Variants in ITGB6 observed in about 807,000 individuals in gnomAD.
ITGB6 encodes integrin subunit beta 6.
Under a neutral mutation model 84.5 loss-of-function variants are expected in ITGB6, and 80 were observed. The ratio of observed to expected loss-of-function variants is 0.95; its 90% CI spans 0.79 to 1.14. The LOEUF is 1.14. Among genes scored for constraint, ITGB6 ranks in the 50% most tolerant of loss-of-function variants. ITGB6 has a pLI of 0.00. For synonymous variants in ITGB6, 383 were observed against 354.9 expected (o/e 1.08, Z -0.89); for missense variants, 1,006 against 968.0 (o/e 1.04, Z -0.52).
At position 160,195,609 on chromosome 2, in the gene ITGB6, G is replaced by A. The variant is rs544813266; in HGVS notation, c.353C>T (p.Ala118Val). 65 of 1,613,786 alleles carry A rather than the reference G, an allele frequency of 4.0e-5. No homozygotes were observed. Among genetic ancestry groups the A allele is most frequent in the Admixed American group, 1.2e-4 (7 of 60,000 alleles). The change falls in exon 4 of 15, where the codon GCG becomes GTG. Residue 118 changes from alanine (A) to valine (V), a missense_variant. By Grantham distance (64) the Ala-to-Val change is moderately conservative (BLOSUM62 0). Transcript: ENST00000283249. Reference protein sequence around the residue: ...SLILKLRPGGAQTLQVHVRQT... With the variant: ...SLILKLRPGGVQTLQVHVRQT... ...GCGGACATGCACCTGCAGAGTCTGC[G>A]CACCACCTGCAAAGCCCAACAGGAA...
chr2:160,111,091 A>T (rs547648608), intron 13 of ITGB6, among the ~76,000 whole-genome samples: 3 of 130,426 alleles, frequency 2.3e-5, no homozygotes, highest in Admixed American at 7.6e-5. Flanking sequence ...AAGAACAGAC[A>T]ACAGCTCAGT....
intron 7 of ITGB6, among the ~76,000 whole-genome samples, chr2:160,142,836 G>T (rs971394522): frequency 2.0e-5 from 3 of 152,184 alleles, no homozygotes; most frequent in African/African-American, 7.2e-5. Context: ...CCAGACAGCT[G>T]GACATTTCCC....
intron 12 of ITGB6, among the ~76,000 whole-genome samples, chr2:160,120,781 A>C (rs1682998675): frequency 6.9e-6 from 1 of 145,182 alleles, no homozygotes. Flanking sequence ...TGAAACTGGA[A>C]ACCATCATTC....
At chr2:160,118,556 T>G (rs181867933) in intron 12 of ITGB6, among the ~76,000 whole-genome samples, 16 of 152,142 alleles carry the variant, frequency 1.1e-4, no homozygotes, top group African/African-American at 3.9e-4. Flanking sequence ...ACAGCCAATA[T>G]CATACTGAAT....
At position 160,170,762 on chromosome 2, in the gene ITGB6, T is replaced by C. The variant is rs1685171641; in HGVS notation, c.922-1455A>G. 2.0e-5 allele frequency among the ~76,000 whole-genome samples: 3 copies of C among 152,252 alleles called. No individual in the cohort carries two copies. In the South Asian group the frequency reaches 6.2e-4, roughly 31 times the overall value. On this transcript the variant is annotated intron_variant, in intron 6 of 14. Coordinates refer to ENST00000283249, the MANE Select transcript of ITGB6 (RefSeq NM_000888.5). ...AGGCATAGATACGGTCTCTGGCTTC[T>C]GTGGATTTGTTACAACTTATTCAGA... is the stretch of plus-strand genomic sequence containing the variant.
intron 12 of ITGB6, among the ~76,000 whole-genome samples, chr2:160,121,183 C>T (rs9973856): frequency 0.11 from 16,018 of 152,016 alleles, 1,497 homozygotes; most frequent in East Asian, 0.29. Flanking sequence ...AAAACAAAAA[C>T]GAAAACAAAC....
chr2:160,120,843 T>C (rs1159067882), intron 12 of ITGB6, among the ~76,000 whole-genome samples: 1 of 143,360 alleles, frequency 7.0e-6, no homozygotes, highest in African/African-American at 2.6e-5. Context: ...TTCTCACTCA[T>C]AGGTGGGAAT....
intron 3 of ITGB6, 45 bp from the exon 4 acceptor site, chr2:160,195,660 G>T (rs371147732): frequency 1.9e-5 from 30 of 1,608,522 alleles, no homozygotes; most frequent in Non-Finnish European, 2.5e-5. Context: ...AACACACTGA[G>T]ATTTATTTGC....
intron 12 of ITGB6, among the ~76,000 whole-genome samples, chr2:160,114,884 C>T (rs189389341): frequency 4.5e-4 from 68 of 152,334 alleles, no homozygotes; most frequent in African/African-American, 1.3e-3. Flanking sequence ...CCTACGCCCA[C>T]GGAGTCTCGC....
At chr2:160,107,574 A>T (rs1484643692) in intron 14 of ITGB6, 105 bp downstream of exon 14, 95 of 1,036,758 alleles carry the variant, frequency 9.2e-5, no homozygotes, top group Non-Finnish European at 2.4e-5. Flanking sequence ...GGAGAGAAAA[A>T]ATGTGACATT....
At chr2:160,137,953 A>C (rs1054777966) in intron 9 of ITGB6, 102 bp from the exon 10 acceptor site, 1 of 1,526,860 alleles carries the variant, frequency 6.5e-7, no homozygotes, top group Admixed American at 2.0e-5. Context: ...TTACTAGAAA[A>C]TCTTTGAAAA....
intron 7 of ITGB6, among the ~76,000 whole-genome samples, chr2:160,145,521 G>T (rs527326317): frequency 1.3e-5 from 2 of 152,178 alleles, no homozygotes; most frequent in Non-Finnish European, 2.9e-5. Flanking sequence ...TCCTCTTTGT[G>T]GAAGAGAAAG....
rs184761298 is a variant in ITGB6, at chr2:160,153,978, G to A, written c.1018-11907C>T. Among the ~76,000 whole-genome samples the A allele has an allele frequency of 2.5e-3, 378 of 152,344 alleles. 1 individual carries two copies. Among genetic ancestry groups the A allele is most frequent in the African/African-American group, 8.2e-3 (339 of 41,590 alleles). ...GGAGAAATATGAACACTTTTACACC[G>A]TTGGTGGGAGTGTAAATTAGTTAAA... On this transcript the variant is annotated intron_variant, in intron 7 of 14. Transcript: ENST00000283249.
intron 14 of ITGB6, among the ~76,000 whole-genome samples, chr2:160,102,924 C>T (rs1488641623): frequency 1.3e-5 from 2 of 152,210 alleles, no homozygotes; most frequent in Non-Finnish European, 2.9e-5. Context: ...ATAGCAAATG[C>T]TCCATAAATG....
At chr2:160,168,898 G>A (rs1268036706) in intron 7 of ITGB6, among the ~76,000 whole-genome samples, 4 of 152,160 alleles carry the variant, frequency 2.6e-5, no homozygotes, top group East Asian at 1.9e-4. Flanking sequence ...ATAATTCAAG[G>A]GGACAGATAA....
chr2:160,127,844 G>C (rs1255822100), intron 10 of ITGB6, among the ~76,000 whole-genome samples: 1 of 152,160 alleles, frequency 6.6e-6, no homozygotes, highest in Non-Finnish European at 1.5e-5. Context: ...AATGATGCAA[G>C]ACAGACCTGG....
rs369831997 is a variant in ITGB6 at position 160,137,628 on chromosome 2, C to A, written c.1466G>T (p.Arg489Leu). ...CAGCATGTCCTCGCCACACTCACAG[C>A]GAGGCCCCATGTGGCCAGGGTGGCA... ...CACHPGHMGP[R>L]CECGEDMLST... The change falls in exon 10 of 15, where the codon CGC becomes CTC. Residue 489 changes from arginine to leucine, a missense_variant. Arg to Leu is a moderately radical substitution (Grantham distance 102). Coordinates refer to ENST00000283249, the MANE Select transcript of ITGB6 (RefSeq NM_000888.5). 7 of 1,614,196 alleles carry A rather than the reference C, an allele frequency of 4.3e-6. No homozygotes were observed. The highest frequency in any genetic ancestry group is 1.3e-5 in the African/African-American group (1 of 75,050).
chr2:160,150,754 A>G (rs1377656989), intron 7 of ITGB6, among the ~76,000 whole-genome samples: 1 of 152,190 alleles, frequency 6.6e-6, no homozygotes, highest in African/African-American at 2.4e-5. Flanking sequence ...AAAGGGATGG[A>G]GGAAGATCTA....
intron 13 of ITGB6, among the ~76,000 whole-genome samples, chr2:160,108,187 T>C (rs959225178): frequency 6.7e-6 from 1 of 150,188 alleles, no homozygotes. Flanking sequence ...CATGGTCTCT[T>C]CTGAGTTCAC....
Sources: gnomAD v4.1 joint callset for allele counts (sites outside exome capture counted in the v4.1 genomes callset) on GRCh38, gnomAD v4.1.1 for gene constraint, MANE v1.5 for transcripts, NCBI Gene and HGNC (gene_info 2026-07-23, HGNC 2026-07-21) for gene names.